The following FGF2 variants were observed in gnomAD, a reference collection of about 807,000 sequenced individuals.
The protein encoded by FGF2 is fibroblast growth factor 2, also known as basic fibroblast growth factor bFGF.
A neutral mutation model predicts 15.9 loss-of-function variants in FGF2; 13 were observed. The observed-to-expected ratio is 0.82, with a 90% CI of 0.53 to 1.30. The LOEUF (loss-of-function observed/expected upper bound fraction) is 1.30, where lower values mean the gene tolerates loss of function less well. Ranked by LOEUF, FGF2 falls within the 50% of genes most tolerant of loss-of-function variation. FGF2 has a pLI of 0.00. For synonymous variants in FGF2, 90 were observed against 78.4 expected, an observed-to-expected ratio of 1.15 and a Z score of -0.78; for missense variants, 163 against 196.9, an observed-to-expected ratio of 0.83 and a Z score of 1.03.
At chr4:122,881,653 G>A (rs879828969) in intron 2 of FGF2, among the ~76,000 whole-genome samples, 9 of 152,110 alleles carry the variant, frequency 5.9e-5, no homozygotes, top group Non-Finnish European at 1.2e-4. Flanking sequence ...TCAGCATTTT[G>A]GTCAGAGGCA....
At chr4:122,876,644 T>C (rs1726854045) in intron 2 of FGF2, among the ~76,000 whole-genome samples, 1 of 152,206 alleles carries the variant, frequency 6.6e-6, no homozygotes, top group Admixed American at 6.5e-5. Flanking sequence ...AAGTAGAGAC[T>C]GGATTGGGCT....
intron 1 of FGF2, among the ~76,000 whole-genome samples, chr4:122,866,843 C>G (rs962136427): frequency 6.6e-6 from 1 of 152,166 alleles, no homozygotes; most frequent in African/African-American, 2.4e-5. Context: ...TATACTCCCC[C>G]CAAAAGAAAA....
At chr4:122,869,536 T>C (rs1177691366) in intron 1 of FGF2, among the ~76,000 whole-genome samples, 1 of 152,216 alleles carries the variant, frequency 6.6e-6, no homozygotes, top group Non-Finnish European at 1.5e-5. Context: ...TAGTTCTCCT[T>C]GAAGAGGTCC....
intron 2 of FGF2, among the ~76,000 whole-genome samples, chr4:122,877,761 T>A (rs1021043078): frequency 6.6e-6 from 1 of 152,210 alleles, no homozygotes; most frequent in African/African-American, 2.4e-5. Flanking sequence ...TTGTGGTATT[T>A]TGAGCTATAC....
intron 1 of FGF2, among the ~76,000 whole-genome samples, chr4:122,870,483 T>C (rs1247674625): frequency 6.6e-6 from 1 of 152,216 alleles, no homozygotes; most frequent in Middle Eastern, 3.2e-3. Flanking sequence ...TGGCAGGCTA[T>C]TAATTACTGC....
chr4:122,839,373 A>G (rs1387656955), intron 1 of FGF2, among the ~76,000 whole-genome samples: 1 of 130,772 alleles, frequency 7.6e-6, no homozygotes, highest in Non-Finnish European at 1.6e-5. Flanking sequence ...AAGATTTTAA[A>G]ACAACAACAA....
At position 122,865,879 on chromosome 4, in the gene FGF2, T is replaced by A. The variant is rs555995703; in HGVS notation, c.179-10442T>A. On this transcript the variant is annotated intron_variant, in intron 1 of 2. Coordinates refer to ENST00000644866, the MANE Select transcript of FGF2 (RefSeq NM_001361665.2). ...CCACATACCACATACAAAAATTAAC[T>A]CAAAATGTATTAAAACCTAAATAGA... Among the ~76,000 whole-genome samples the A allele has an allele frequency of 4.1e-4, 62 of 152,204 alleles. No homozygotes were observed. The South Asian group carries it at 0.012, about 30-fold the overall frequency.
chr4:122,828,398 T>G (rs1398212479), intron 1 of FGF2, among the ~76,000 whole-genome samples: 3 of 152,248 alleles, frequency 2.0e-5, no homozygotes, highest in Admixed American at 2.0e-4. Context: ...TAACCTGTCC[T>G]CCTGTAAGTG....
In FGF2 at chr4:122,855,263, T is replaced by C. The variant is rs372460016; in HGVS notation, c.179-21058T>C. On this transcript the variant is annotated intron_variant, in intron 1 of 2. Coordinates refer to ENST00000644866, the MANE Select transcript of FGF2 (RefSeq NM_001361665.2). ...AAGGAAGAATTTGCCAAGAAAAGGC[T>C]ATATTCAGGAGGTGTTCCATCTCTT... Among the ~76,000 whole-genome samples, 34 of 152,338 alleles carry C rather than the reference T, an allele frequency of 2.2e-4. No homozygotes were observed. In the South Asian group the frequency reaches 5.4e-3, roughly 24 times the overall value.
chr4:122,864,574 G>T (rs943485184), intron 1 of FGF2, among the ~76,000 whole-genome samples: 4 of 152,120 alleles, frequency 2.6e-5, no homozygotes, highest in Non-Finnish European at 4.4e-5. Flanking sequence ...GTTGAACAAG[G>T]TTCACATATC....
At chr4:122,840,979 A>G (rs1252695773) in intron 1 of FGF2, among the ~76,000 whole-genome samples, 1 of 152,198 alleles carries the variant, frequency 6.6e-6, no homozygotes, top group African/African-American at 2.4e-5. Flanking sequence ...AAAAACTCCA[A>G]GAGGTTTGAG....
At chr4:122,876,716 A>T (rs1044087648) in intron 2 of FGF2, among the ~76,000 whole-genome samples, 3 of 152,136 alleles carry the variant, frequency 2.0e-5, no homozygotes, top group Non-Finnish European at 4.4e-5. Flanking sequence ...GCTATAATTT[A>T]AAAAAAATTT....
intron 2 of FGF2, chr4:122,890,047 C>T (rs1020357845): frequency 1.1e-4 from 17 of 152,154 alleles, no homozygotes; most frequent in African/African-American, 4.1e-4. Flanking sequence ...TTTCCTTTCA[C>T]TCTTTGTTTC....
chr4:122,882,268 A>G (rs1004906368), intron 2 of FGF2: 1 of 152,208 alleles, frequency 6.6e-6, no homozygotes, highest in Non-Finnish European at 1.5e-5. Flanking sequence ...ATTCATTGAC[A>G]ATGATAAAAA....
rs1560732706 is a variant in FGF2, at chr4:122,827,265, C to T, written c.91C>T (p.Arg31Trp). 1 of 1,612,700 alleles carries T rather than the reference C, an allele frequency of 6.2e-7. No individual in the cohort carries two copies. Among genetic ancestry groups the T allele is most frequent in the Non-Finnish European group, 8.5e-7 (1 of 1,179,822 alleles). Residue 31 changes from arginine to tryptophan, a missense_variant, in exon 1 of 3, where the codon CGG becomes TGG. Physicochemically the swap from Arg to Trp is moderately radical, Grantham distance 101. Transcript: ENST00000644866. This position sits in a 1 kb window ranked among gnomAD's most constrained non-coding sequence, Gnocchi z 4.2. ...FPPGHFKDPKRLYCKNGGFFL... is the reference protein window; with the variant it reads ...FPPGHFKDPKWLYCKNGGFFL... ...GCCCGGCCACTTCAAGGACCCCAAG[C>T]GGCTGTACTGCAAAAACGGGGGCTT... is the stretch of plus-strand genomic sequence containing the variant.
intron 1 of FGF2, among the ~76,000 whole-genome samples, chr4:122,867,513 A>AT (rs901920982): frequency 3.3e-5 from 5 of 152,218 alleles, no homozygotes; most frequent in East Asian, 3.9e-4. Flanking sequence ...AAAAATATAT[A>AT]TTTTTTTAAT....
At chr4:122,868,141 T>G (rs565300398) in intron 1 of FGF2, among the ~76,000 whole-genome samples, 17 of 152,258 alleles carry the variant, frequency 1.1e-4, no homozygotes, top group Non-Finnish European at 2.1e-4. Context: ...AATCTGACAT[T>G]TTGCTATTTT....
Position 122,897,550 on chromosome 4 carries a change from C to T in FGF2, c.*5154C>T. On this transcript the variant is annotated 3_prime_UTR_variant, in exon 3 of 3. Transcript: ENST00000644866. ...GGAAAATTTAAATTTTTATTCTTAG[C>T]TATAAAGCAAGAAAGTAAACACATT... 5 of 1,076,474 alleles carry T rather than the reference C, an allele frequency of 4.6e-6. No individual in the cohort carries two copies. The South Asian group carries it at 6.4e-5, about 14-fold the overall frequency. The allele number at this position is 1,076,474 out of a possible 1,614,324, so 66.7% of individuals were successfully genotyped here.
intron 1 of FGF2, among the ~76,000 whole-genome samples, chr4:122,847,619 A>G (rs1726140157): frequency 7.3e-6 from 1 of 137,242 alleles, no homozygotes; most frequent in East Asian, 2.0e-4. Context: ...CTATCTATCT[A>G]TCTATCTATC....
Sources: allele counts gnomAD v4.1 joint callset (sites outside exome capture counted in the v4.1 genomes callset), GRCh38; gene constraint gnomAD v4.1.1; non-coding constraint Gnocchi (gnomAD v3.1); transcripts MANE v1.5; gene names NCBI Gene and HGNC (gene_info 2026-07-23, HGNC 2026-07-21).